Variants in BCAR3 observed in about 807,000 individuals in gnomAD.
The protein encoded by BCAR3 is BCAR3 adaptor protein, NSP family member, also known as breast cancer anti-estrogen resistance protein 3.
A neutral mutation model predicts 80.1 loss-of-function variants in BCAR3; 37 were observed. That is an observed-to-expected ratio of 0.46 (90% CI 0.36 to 0.61). The LOEUF (loss-of-function observed/expected upper bound fraction) is 0.61, where lower values mean the gene tolerates loss of function less well. Among genes scored for constraint, BCAR3 ranks in the 20% least tolerant of loss-of-function variants. The pLI is 0.00. For missense variants in BCAR3, 978 were observed against 1,068.2 expected, an observed-to-expected ratio of 0.92 and a Z score of 1.18; for synonymous variants, 389 against 418.9, an observed-to-expected ratio of 0.93 and a Z score of 0.87.
At chr1:93,812,040 C>A (rs1182419352) in intron 2 of BCAR3, among the ~76,000 whole-genome samples, 1 of 152,124 alleles carries the variant, frequency 6.6e-6, no homozygotes, top group Non-Finnish European at 1.5e-5. Flanking sequence ...TGAAGATGTT[C>A]ATATGAAAGC....
chr1:93,592,582 T>C lies in BCAR3; in HGVS notation c.358-189A>G. The C allele has an allele frequency of 2.9e-6, 2 of 689,744 alleles. No homozygotes were observed. Among genetic ancestry groups the C allele is most frequent in the South Asian group, 4.2e-5 (2 of 47,380 alleles). 42.7% of individuals were successfully genotyped at this position (689,744 alleles called of 1,614,324 possible). ...TCCGGCCGCAACCATGTAATAAAAT[T>C]TTCACCTGCACATGGGGACTATGGT... On this transcript the variant is annotated intron_variant, in intron 3 of 11. Coordinates refer to ENST00000260502, the MANE Select transcript of BCAR3 (RefSeq NM_003567.4). This position sits in a 1 kb window ranked among gnomAD's most constrained non-coding sequence, Gnocchi z 4.8.
chr1:93,818,397 G>T (rs757414672), intron 2 of BCAR3, among the ~76,000 whole-genome samples: 1 of 152,136 alleles, frequency 6.6e-6, no homozygotes, highest in Non-Finnish European at 1.5e-5. Flanking sequence ...AAATACCTTG[G>T]TCTATGCCTA....
intron 3 of BCAR3, among the ~76,000 whole-genome samples, chr1:93,630,354 T>C (rs1311170987): frequency 6.6e-6 from 1 of 152,124 alleles, no homozygotes; most frequent in South Asian, 2.1e-4. Flanking sequence ...CCGGGTGTGG[T>C]GGCTCAAACC....
intron 2 of BCAR3, chr1:93,753,595 A>T: frequency 7.3e-6 from 1 of 137,846 alleles, no homozygotes; most frequent in Non-Finnish European, 1.5e-5. Flanking sequence ...CACACACGGG[A>T]CTAGGACTAT....
chr1:93,775,371 G>C (rs1652508964), intron 2 of BCAR3: 2 of 152,192 alleles, frequency 1.3e-5, no homozygotes, highest in Admixed American at 6.5e-5. Context: ...CCATAGAGAG[G>C]CACCAGGAGC....
chr1:93,847,562 C>G (rs775493453), upstream of BCAR3: 1 of 152,372 alleles, frequency 6.6e-6, no homozygotes, highest in African/African-American at 2.4e-5. Flanking sequence ...TGCGCTGAGA[C>G]TCCAACAGGT....
At position 93,582,687 on chromosome 1, in the gene BCAR3, G is replaced by C. The variant is rs1484630696; in HGVS notation, c.1300C>G (p.Pro434Ala). ...CTGCCGCAGCCTGTGGCAAACGCTG[G>C]GTTCAGTTCACAGTAGTTGGCCTCT... Reference protein sequence around the residue: ...NSEANYCELNPAFATGCGRGA... With the variant: ...NSEANYCELNAAFATGCGRGA... Residue 434 changes from proline (P) to alanine (A), a missense_variant, in exon 7 of 12, where the codon CCA becomes GCA. Coordinates refer to ENST00000260502, the MANE Select transcript of BCAR3 (RefSeq NM_003567.4). 1.2e-6 allele frequency: 2 copies of C among 1,613,898 alleles called. No individual in the cohort carries two copies. Among genetic ancestry groups the C allele is most frequent in the Non-Finnish European group, 1.7e-6 (2 of 1,180,002 alleles).
At chr1:93,678,929 GT>G (rs1648624078) in intron 1 of BCAR3, among the ~76,000 whole-genome samples, 4 of 152,144 alleles carry the variant, frequency 2.6e-5, no homozygotes, top group Admixed American at 6.5e-5. Context: ...TGGCTCCCAT[GT>G]TTTCTCCACT....
chr1:93,611,017 A>G (rs1224288076), intron 3 of BCAR3, among the ~76,000 whole-genome samples: 1 of 152,054 alleles, frequency 6.6e-6, no homozygotes, highest in Non-Finnish European at 1.5e-5. Flanking sequence ...TGTTTCTCTG[A>G]GCCTTGGTGT....
At chr1:93,576,301 T>TTAAA (rs1487394829) in intron 7 of BCAR3, among the ~76,000 whole-genome samples, 172 bp from the exon 8 acceptor site, 2 of 152,182 alleles carry the variant, frequency 1.3e-5, no homozygotes, top group African/African-American at 4.8e-5. Flanking sequence ...TTTAGGGTGT[T>TTAAA]TAAATACACA....
At chr1:93,732,313 A>G (rs1054986773) in intron 2 of BCAR3, among the ~76,000 whole-genome samples, 2 of 152,152 alleles carry the variant, frequency 1.3e-5, no homozygotes, top group African/African-American at 4.8e-5. Context: ...AGAATGAAAG[A>G]GGTTTGAAAT....
At chr1:93,738,120 C>T (rs1442255834) in intron 2 of BCAR3, among the ~76,000 whole-genome samples, 2 of 152,182 alleles carry the variant, frequency 1.3e-5, no homozygotes, top group African/African-American at 2.4e-5. Flanking sequence ...AAGCATGAGC[C>T]ACTGCACCCA....
At chr1:93,826,712 T>C (rs1654385651) in intron 2 of BCAR3, among the ~76,000 whole-genome samples, 1 of 152,090 alleles carries the variant, frequency 6.6e-6, no homozygotes, top group African/African-American at 2.4e-5. Flanking sequence ...GGCAGAACAG[T>C]CAGGGGAGAT....
chr1:93,845,502 A>ATATATATATATATATAT, intron 2 of BCAR3: 10 of 113,798 alleles, frequency 8.8e-5, no homozygotes, highest in East Asian at 2.5e-4. Flanking sequence ...ATATATATAT[A>ATATATATATATATATAT]AAACTTTGTT....
At chr1:93,829,409 A>C (rs1260817379) in intron 2 of BCAR3, among the ~76,000 whole-genome samples, 2 of 152,052 alleles carry the variant, frequency 1.3e-5, no homozygotes, top group African/African-American at 4.8e-5. Context: ...TGCCATACTG[A>C]ATGTACCTGG....
intron 2 of BCAR3, among the ~76,000 whole-genome samples, chr1:93,836,772 C>A (rs867466311): frequency 2.6e-5 from 4 of 152,118 alleles, no homozygotes; most frequent in African/African-American, 9.7e-5. Context: ...CCGGTTCCTG[C>A]CTTATCTGAT....
intron 2 of BCAR3, among the ~76,000 whole-genome samples, chr1:93,783,441 A>C (rs542367260): frequency 6.6e-5 from 10 of 152,250 alleles, no homozygotes; most frequent in Non-Finnish European, 1.5e-4. Flanking sequence ...GCAAAGTTCT[A>C]TGAGAATGTT....
At chr1:93,699,254 C>T (rs1430268838) in intron 3 of BCAR3, among the ~76,000 whole-genome samples, 2 of 152,224 alleles carry the variant, frequency 1.3e-5, no homozygotes, top group Non-Finnish European at 1.5e-5. Flanking sequence ...TTAACTCACA[C>T]TGTGTCACCT....
At chr1:93,574,166 AC>A (rs1258005679) in intron 8 of BCAR3, among the ~76,000 whole-genome samples, 3 of 152,290 alleles carry the variant, frequency 2.0e-5, no homozygotes, top group Middle Eastern at 3.4e-3. Flanking sequence ...TCCTGGATAC[AC>A]CGACTATGGG....
Sources: allele counts gnomAD v4.1 joint callset (sites outside exome capture counted in the v4.1 genomes callset), GRCh38; gene constraint gnomAD v4.1.1; non-coding constraint Gnocchi (gnomAD v3.1); transcripts MANE v1.5; gene names NCBI Gene and HGNC (gene_info 2026-07-23, HGNC 2026-07-21).